The following BBS9 variants were observed in gnomAD, a reference collection of about 807,000 sequenced individuals.
BBS9 encodes the protein protein PTHB1.
Under a neutral mutation model 117.7 loss-of-function variants are expected in BBS9, and 89 were observed. The observed-to-expected ratio is 0.76, with a 90% CI of 0.64 to 0.90. The LOEUF (loss-of-function observed/expected upper bound fraction) is 0.90, where lower values mean the gene tolerates loss of function less well. Ranked by LOEUF, BBS9 falls within the 40% of genes least tolerant of loss-of-function variation. The probability of loss-of-function intolerance (pLI) is 0.00; values close to 1 mark genes in which losing one functional copy is unlikely to be tolerated. For missense variants in BBS9, 982 were observed against 1,042.2 expected (o/e 0.94, Z 0.80); for synonymous variants, 379 against 370.9 (o/e 1.02, Z -0.25).
At chr7:33,315,594 C>T (rs1001513971) in intron 9 of BBS9, among the ~76,000 whole-genome samples, 25 of 151,998 alleles carry the variant, frequency 1.6e-4, no homozygotes, top group African/African-American at 5.6e-4. Flanking sequence ...TGCAGTCTAC[C>T]ACACTGATAA....
intron 19 of BBS9, among the ~76,000 whole-genome samples, chr7:33,461,120 T>C (rs1206672334): frequency 1.3e-5 from 2 of 152,056 alleles, no homozygotes; most frequent in Non-Finnish European, 2.9e-5. Flanking sequence ...CCATGCTTTG[T>C]TTTTCCACTC....
chr7:33,357,450 A>G (rs1819809002), intron 15 of BBS9, among the ~76,000 whole-genome samples: 1 of 151,774 alleles, frequency 6.6e-6, no homozygotes, highest in South Asian at 2.1e-4. Flanking sequence ...ATACAGTCTT[A>G]AAGATATGAT....
chr7:33,535,865 G>T (rs1387508960), intron 21 of BBS9, among the ~76,000 whole-genome samples: 2 of 152,124 alleles, frequency 1.3e-5, no homozygotes, highest in Non-Finnish European at 2.9e-5. Context: ...CTGATTACCT[G>T]TGAGTTCAGG....
intron 5 of BBS9, among the ~76,000 whole-genome samples, chr7:33,188,992 TGA>T (rs1783604762): frequency 6.6e-6 from 1 of 152,146 alleles, no homozygotes; most frequent in African/African-American, 2.4e-5. Context: ...TGAAAAAATT[TGA>T]CCTGAATACA....
chr7:33,555,152 GAA>G (rs1375994413), intron 21 of BBS9, among the ~76,000 whole-genome samples: 1 of 152,148 alleles, frequency 6.6e-6, no homozygotes, highest in Non-Finnish European at 1.5e-5. Flanking sequence ...TGTCTCAAAT[GAA>G]AGAGCACTGC....
intron 20 of BBS9, among the ~76,000 whole-genome samples, chr7:33,509,724 G>A (rs1349056657): frequency 6.6e-6 from 1 of 152,178 alleles, no homozygotes; most frequent in Non-Finnish European, 1.5e-5. Flanking sequence ...GATGGTATGT[G>A]TTAAAAGGCA....
chr7:33,182,976 T>C (rs145801700), intron 5 of BBS9, among the ~76,000 whole-genome samples: 1 of 152,226 alleles, frequency 6.6e-6, no homozygotes, highest in Non-Finnish European at 1.5e-5. Context: ...TTCCATACCT[T>C]CTAGGTGGCC....
At chr7:33,349,044 T>A (rs2128660940) in intron 12 of BBS9, 24 bp from the exon 13 acceptor site, 4 of 1,470,986 alleles carry the variant, frequency 2.7e-6, no homozygotes, top group Non-Finnish European at 3.8e-6. Flanking sequence ...AATTTTCTAT[T>A]GATAACAATT....
chr7:33,597,112 C>G (rs577572237), intron 21 of BBS9, among the ~76,000 whole-genome samples: 1,612 of 139,934 alleles, frequency 0.012, 25 homozygotes, highest in African/African-American at 0.041. Context: ...CACACACACA[C>G]AGTAAAATTT....
chr7:33,536,157 A>G (rs1202960759), intron 21 of BBS9, among the ~76,000 whole-genome samples: 1 of 152,204 alleles, frequency 6.6e-6, no homozygotes, highest in East Asian at 1.9e-4. Context: ...GCGGGCCATC[A>G]GTCAGATTTA....
At chr7:33,380,245 C>T in intron 17 of BBS9, 1 of 180,428 alleles carries the variant, frequency 5.5e-6, no homozygotes, top group South Asian at 1.6e-4. Flanking sequence ...ATGTCCACAC[C>T]AGCCTCTCCC....
chr7:33,459,091 T>C (rs1429487676), intron 19 of BBS9, among the ~76,000 whole-genome samples: 3 of 152,018 alleles, frequency 2.0e-5, no homozygotes, highest in Admixed American at 6.6e-5. Context: ...AAGGGCCTTA[T>C]TGCCAATTAC....
At chr7:33,598,269 T>C (rs1451420664) in intron 21 of BBS9, among the ~76,000 whole-genome samples, 1 of 150,822 alleles carries the variant, frequency 6.6e-6, no homozygotes, top group Admixed American at 6.6e-5. Flanking sequence ...ATTTCCCCAG[T>C]GTAATCATAA....
intron 1 of BBS9, among the ~76,000 whole-genome samples, chr7:33,133,826 A>C (rs1179875703): frequency 6.6e-6 from 1 of 152,190 alleles, no homozygotes; most frequent in Non-Finnish European, 1.5e-5. Context: ...CTTCAGTGTC[A>C]GATTGCTGGG....
At chr7:33,213,034 C>G (rs1465840662) in intron 5 of BBS9, among the ~76,000 whole-genome samples, 2 of 152,172 alleles carry the variant, frequency 1.3e-5, no homozygotes, top group Non-Finnish European at 2.9e-5. Flanking sequence ...TATGTTCACT[C>G]AAGGCCCTAG....
rs116062173 is a variant in BBS9 at position 33,257,797 on chromosome 7, A to G, written c.617+387A>G. ...GTTCCTTGATATAATAAATAATTAAATACGATGTTGAGTGAAAAAAGCCAA... is the reference window on the plus strand; with the variant it reads ...GTTCCTTGATATAATAAATAATTAAGTACGATGTTGAGTGAAAAAAGCCAA... On this transcript the variant is annotated intron_variant, in intron 6 of 22. Transcript: ENST00000242067. Among the ~76,000 whole-genome samples, 1,232 of 152,356 alleles carry G rather than the reference A, an allele frequency of 8.1e-3. 20 individuals are homozygous for G. Among genetic ancestry groups the G allele is most frequent in the African/African-American group, 0.028 (1,177 of 41,574 alleles).
intron 9 of BBS9, among the ~76,000 whole-genome samples, chr7:33,305,501 A>G (rs1343007731): frequency 6.6e-6 from 1 of 152,114 alleles, no homozygotes; most frequent in African/African-American, 2.4e-5. Flanking sequence ...ACTTCCTTAA[A>G]TATTTGGTAG....
intron 5 of BBS9, among the ~76,000 whole-genome samples, chr7:33,200,628 T>G (rs1785682387): frequency 6.6e-6 from 1 of 152,178 alleles, no homozygotes; most frequent in Non-Finnish European, 1.5e-5. Flanking sequence ...TGGCTTTCAC[T>G]CATATTATTG....
At chr7:33,181,775 T>C (rs904955651) in intron 5 of BBS9, among the ~76,000 whole-genome samples, 6 of 152,200 alleles carry the variant, frequency 3.9e-5, no homozygotes, top group African/African-American at 1.4e-4. Context: ...CCTTTGGCTT[T>C]TTCCCATCTA....
Sources: allele counts gnomAD v4.1 joint callset (sites outside exome capture counted in the v4.1 genomes callset), GRCh38; gene constraint gnomAD v4.1.1; transcripts MANE v1.5; gene names NCBI Gene and HGNC (gene_info 2026-07-23, HGNC 2026-07-21).